MOB3B: variants seen among roughly 807,000 people sequenced by gnomAD.
MOB3B encodes MOB kinase activator 3B.
Under a neutral mutation model 18.7 loss-of-function variants are expected in MOB3B, and 7 were observed. The observed-to-expected ratio is 0.37, with a 90% CI of 0.21 to 0.70. MOB3B has a LOEUF of 0.70. Ranked by LOEUF, MOB3B falls within the 30% of genes least tolerant of loss-of-function variation. MOB3B has a pLI of 0.52. For synonymous variants in MOB3B, 111 were observed against 99.9 expected, an observed-to-expected ratio of 1.11 and a Z score of -0.66; for missense variants, 253 against 281.3, an observed-to-expected ratio of 0.90 and a Z score of 0.72.
intron 3 of MOB3B, among the ~76,000 whole-genome samples, chr9:27,356,288 T>G (rs910653983): frequency 1.3e-5 from 2 of 152,190 alleles, no homozygotes; most frequent in Non-Finnish European, 2.9e-5. Context: ...AATATAAACT[T>G]CTGGGGAAAA....
At chr9:27,399,752 A>G (rs1343570136) in intron 2 of MOB3B, among the ~76,000 whole-genome samples, 1 of 152,154 alleles carries the variant, frequency 6.6e-6, no homozygotes, top group Non-Finnish European at 1.5e-5. Flanking sequence ...CTGACTGCCA[A>G]GAGATCTTCT....
chr9:27,387,288 A>C (rs1821661076), intron 2 of MOB3B, among the ~76,000 whole-genome samples: 2 of 152,204 alleles, frequency 1.3e-5, no homozygotes, highest in Admixed American at 1.3e-4. Context: ...TAAGGATTAA[A>C]GGTGATGAGT....
chr9:27,357,886 T>TCCA (rs1563849115), intron 3 of MOB3B, among the ~76,000 whole-genome samples: 5 of 25,286 alleles, frequency 2.0e-4, no homozygotes, highest in Admixed American at 7.0e-4. Flanking sequence ...ATCCCATCGC[T>TCCA]ACAAAAAAAA....
intron 3 of MOB3B, among the ~76,000 whole-genome samples, chr9:27,347,125 G>A (rs1381431960): frequency 6.6e-6 from 1 of 152,202 alleles, no homozygotes; most frequent in African/African-American, 2.4e-5. Context: ...TATCCTAATG[G>A]ATTTAAAACT....
At chr9:27,453,981 C>T (rs913980176) in intron 2 of MOB3B, among the ~76,000 whole-genome samples, 4 of 152,140 alleles carry the variant, frequency 2.6e-5, no homozygotes, top group African/African-American at 4.8e-5. Flanking sequence ...ATACAACCTA[C>T]CTCCTTCCTG....
At chr9:27,502,367 T>A (rs906034106) in intron 1 of MOB3B, among the ~76,000 whole-genome samples, 2 of 151,924 alleles carry the variant, frequency 1.3e-5, no homozygotes, top group African/African-American at 4.9e-5. Context: ...ATTTAATTTA[T>A]CTTTCACTCT....
intron 1 of MOB3B, among the ~76,000 whole-genome samples, chr9:27,520,217 C>T (rs1820303551): frequency 6.6e-6 from 1 of 152,178 alleles, no homozygotes; most frequent in Non-Finnish European, 1.5e-5. Flanking sequence ...TCCATTTTGC[C>T]AAATTCTGCC....
chr9:27,455,478 T>C lies in MOB3B; in HGVS notation c.73A>G (p.Thr25Ala). Residue 25 changes from threonine (T) to alanine (A), a missense_variant, in exon 2 of 4, where the codon ACA (threonine) becomes GCA (alanine). Physicochemically the swap from Thr to Ala is moderately conservative, Grantham distance 58. Coordinates refer to ENST00000262244, the MANE Select transcript of MOB3B (RefSeq NM_024761.5). ...CGTTTGTGCAGCTCAAACCTCTGTGTGCCAGGTTCAAATTTCCTCTTGGGT... is the reference window on the plus strand; with the variant it reads ...CGTTTGTGCAGCTCAAACCTCTGTGCGCCAGGTTCAAATTTCCTCTTGGGT... ...FRPKRKFEPG[T>A]QRFELHKRAQ... The C allele has an allele frequency of 1.9e-6, 3 of 1,614,212 alleles. No homozygotes were observed. The highest frequency in any genetic ancestry group is 2.5e-6 in the Non-Finnish European group (3 of 1,180,026).
chr9:27,357,856 A>C (rs1821213590), intron 3 of MOB3B, among the ~76,000 whole-genome samples: 1 of 144,592 alleles, frequency 6.9e-6, no homozygotes, highest in Non-Finnish European at 1.5e-5. Context: ...GTTTGAGACA[A>C]GCCTAGTCAA....
At chr9:27,416,582 T>C (rs1822152893) in intron 2 of MOB3B, among the ~76,000 whole-genome samples, 1 of 136,742 alleles carries the variant, frequency 7.3e-6, no homozygotes, top group African/African-American at 2.6e-5. Context: ...AGATAGGGTC[T>C]TGCTCTGTCA....
At chr9:27,353,960 C>A (rs536899513) in intron 3 of MOB3B, among the ~76,000 whole-genome samples, 2 of 152,254 alleles carry the variant, frequency 1.3e-5, no homozygotes, top group African/African-American at 2.4e-5. Context: ...AAGGAACTTG[C>A]TTCAGTTCAA....
chr9:27,359,361 T>A (rs1039616869), intron 2 of MOB3B, 125 bp from the exon 3 acceptor site: 3 of 463,148 alleles, frequency 6.5e-6, no homozygotes, highest in South Asian at 3.7e-5. Flanking sequence ...ACAGGAGTCA[T>A]AGGGAGTGTG....
chr9:27,391,364 A>T (rs1044697838), intron 2 of MOB3B, among the ~76,000 whole-genome samples: 3 of 152,150 alleles, frequency 2.0e-5, no homozygotes, highest in Admixed American at 2.0e-4. Flanking sequence ...GTGGTGGGTA[A>T]AGCTTAAAAG....
chr9:27,442,009 G>A (rs1406656011), intron 2 of MOB3B, among the ~76,000 whole-genome samples: 3 of 152,150 alleles, frequency 2.0e-5, no homozygotes, highest in African/African-American at 4.8e-5. Context: ...TAAACCAGAC[G>A]TTAAAGAGAT....
intron 1 of MOB3B, chr9:27,524,373 T>A (rs1340307982): frequency 1.2e-6 from 2 of 1,613,656 alleles, no homozygotes; most frequent in African/African-American, 2.7e-5. Flanking sequence ...AAAGTGTTTG[T>A]GGCTTGAGAT....
At chr9:27,518,809 T>C (rs147302588) in intron 1 of MOB3B, among the ~76,000 whole-genome samples, 80 of 152,330 alleles carry the variant, frequency 5.3e-4, no homozygotes, top group African/African-American at 1.7e-3. Context: ...GTTTTGCCTA[T>C]ACAGGTTATT....
chr9:27,424,526 A>C (rs762415354), intron 2 of MOB3B, among the ~76,000 whole-genome samples: 11 of 152,208 alleles, frequency 7.2e-5, no homozygotes, highest in Non-Finnish European at 1.6e-4. Context: ...AACTGCGAGG[A>C]AGATAAACTC....
At chr9:27,517,634 CGA>C in intron 1 of MOB3B, among the ~76,000 whole-genome samples, 1 of 100,436 alleles carries the variant, frequency 1.0e-5, no homozygotes, top group East Asian at 3.4e-4. Context: ...GCCGACAGAG[CGA>C]GACTCTGTCT....
At chr9:27,484,036 A>G (rs548350174) in intron 1 of MOB3B, among the ~76,000 whole-genome samples, 120 of 152,350 alleles carry the variant, frequency 7.9e-4, no homozygotes, top group African/African-American at 2.7e-3. Context: ...CGAGCTTATG[A>G]TGCCAAGCAT....
Sources: gnomAD v4.1 joint callset for allele counts (sites outside exome capture counted in the v4.1 genomes callset) on GRCh38, gnomAD v4.1.1 for gene constraint, MANE v1.5 for transcripts, NCBI Gene and HGNC (gene_info 2026-07-23, HGNC 2026-07-21) for gene names.